Variants in DPH6 observed in about 807,000 individuals in gnomAD.
DPH6 encodes diphthamine biosynthesis 6, also known as diphthine--ammonia ligase.
A neutral mutation model predicts 38.2 loss-of-function variants in DPH6; 33 were observed. That is an observed-to-expected ratio of 0.86 (90% CI 0.65 to 1.15). The LOEUF is 1.15. Among genes scored for constraint, DPH6 ranks in the 50% most tolerant of loss-of-function variants. The pLI, the probability that DPH6 is intolerant of heterozygous loss-of-function variation, is 0.00. For synonymous variants in DPH6, 108 were observed against 103.0 expected (o/e 1.05, Z -0.30); for missense variants, 325 against 320.0 (o/e 1.02, Z -0.12).
downstream of DPH6, among the ~76,000 whole-genome samples, chr15:35,216,917 T>A (rs1000161065): frequency 2.0e-5 from 3 of 152,284 alleles, no homozygotes; most frequent in African/African-American, 7.2e-5. Flanking sequence ...CTAGATGAGA[T>A]GTATATTTGG....
At chr15:35,246,742 T>C (rs1371153523) in intron 3 of DPH6, among the ~76,000 whole-genome samples, 1 of 152,200 alleles carries the variant, frequency 6.6e-6, no homozygotes. Context: ...GCACCATACC[T>C]GTGACTGTAG....
At chr15:35,294,635 C>CTA (rs1345038461) in intron 3 of DPH6, among the ~76,000 whole-genome samples, 1 of 152,184 alleles carries the variant, frequency 6.6e-6, no homozygotes, top group Non-Finnish European at 1.5e-5. Context: ...CTACTACACA[C>CTA]TATATACTGT....
At chr15:35,487,565 C>T (rs1204379950) in intron 3 of DPH6, among the ~76,000 whole-genome samples, 2 of 152,224 alleles carry the variant, frequency 1.3e-5, no homozygotes, top group East Asian at 1.9e-4. Flanking sequence ...ATGCAGGATG[C>T]CATGTTGTGA....
At chr15:35,242,094 T>A (rs1210341657) in intron 3 of DPH6, among the ~76,000 whole-genome samples, 1 of 144,722 alleles carries the variant, frequency 6.9e-6, no homozygotes, top group Non-Finnish European at 1.5e-5. Context: ...GGACTGACCC[T>A]GACACCCATC....
chr15:35,352,977 C>A (rs2052528512), intron 3 of DPH6, among the ~76,000 whole-genome samples: 1 of 152,210 alleles, frequency 6.6e-6, no homozygotes, highest in Non-Finnish European at 1.5e-5. Context: ...GCCATTCAAA[C>A]TGGTGTGAGA....
intron 1 of DPH6, among the ~76,000 whole-genome samples, chr15:35,543,182 A>C (rs1170738272): frequency 2.7e-5 from 4 of 146,734 alleles, no homozygotes; most frequent in Non-Finnish European, 4.5e-5. Context: ...ATGCTGACTT[A>C]CACTGATGAC....
At chr15:35,232,958 AGAC>A (rs2051528153) in intron 3 of DPH6, among the ~76,000 whole-genome samples, 1 of 98,972 alleles carries the variant, frequency 1.0e-5, no homozygotes, top group Non-Finnish European at 2.3e-5. Context: ...ATTCATCAAC[AGAC>A]AATTAGCAAA....
At chr15:35,235,238 A>T (rs1566845866) in intron 3 of DPH6, among the ~76,000 whole-genome samples, 1 of 152,218 alleles carries the variant, frequency 6.6e-6, no homozygotes, top group Non-Finnish European at 1.5e-5. Context: ...GTCCAGGGGT[A>T]GGAAAGTCCA....
intron 3 of DPH6, among the ~76,000 whole-genome samples, chr15:35,337,605 C>T (rs1336543062): frequency 6.6e-6 from 1 of 152,124 alleles, no homozygotes; most frequent in Non-Finnish European, 1.5e-5. Context: ...GGCTATACTG[C>T]CCAAGGTAAT....
rs560080907 is a variant in DPH6 at position 35,454,771 on chromosome 15, TAGTC to T, written c.358_361del (p.Asp120IlefsTer18). On this transcript the variant is annotated frameshift_variant, in exon 4 of 9. Transcript: ENST00000256538. LOFTEE classifies it high-confidence loss of function. ...CACATTTTCCACTCGAATACGCTGA[TAGTC>T]AGAAAGTATAGCACCTACTGATATC... 3.4e-5 allele frequency: 55 copies of T among 1,609,610 alleles called. No individual in the cohort carries two copies. The highest frequency in any genetic ancestry group is 4.3e-5 in the Non-Finnish European group (51 of 1,178,346).
chr15:35,507,405 G>A (rs949803114), intron 3 of DPH6, among the ~76,000 whole-genome samples: 2 of 151,994 alleles, frequency 1.3e-5, no homozygotes, highest in Non-Finnish European at 2.9e-5. Context: ...AAATTTGAAT[G>A]AGCATAGTTG....
intron 3 of DPH6, chr15:35,489,444 G>C: frequency 2.0e-6 from 2 of 984,460 alleles, no homozygotes; most frequent in Non-Finnish European, 2.4e-6. Flanking sequence ...TGTAGCCCAA[G>C]ACTCAATTAA....
chr15:35,493,872 T>C (rs1731472258), intron 3 of DPH6, among the ~76,000 whole-genome samples: 1 of 152,142 alleles, frequency 6.6e-6, no homozygotes, highest in South Asian at 2.1e-4. Context: ...GCTCCTGCTG[T>C]ATTTTTTGAG....
chr15:35,285,085 C>A (rs1358594360), intron 3 of DPH6, among the ~76,000 whole-genome samples: 1 of 152,094 alleles, frequency 6.6e-6, no homozygotes, highest in African/African-American at 2.4e-5. Context: ...GTTAGGATTA[C>A]AGGTGTGAGC....
At chr15:35,397,367 C>T (rs1886299298) in intron 6 of DPH6, among the ~76,000 whole-genome samples, 1 of 152,202 alleles carries the variant, frequency 6.6e-6, no homozygotes, top group African/African-American at 2.4e-5. Context: ...ATGACTTTTA[C>T]TTAGATGATC....
At chr15:35,296,416 T>G (rs2140793248) in intron 3 of DPH6, among the ~76,000 whole-genome samples, 1 of 152,280 alleles carries the variant, frequency 6.6e-6, no homozygotes, top group East Asian at 1.9e-4. Context: ...CTTTCAGACC[T>G]CCAATTTATT....
chr15:35,336,351 TG>T (rs149022496), intron 3 of DPH6, among the ~76,000 whole-genome samples: 43,703 of 151,972 alleles, frequency 0.29, 6,545 homozygotes, highest in South Asian at 0.38. Context: ...CCATATTTCT[TG>T]GAGGCTTTGT....
chr15:35,179,119 C>T, the DPH6 span, among the ~76,000 whole-genome samples: 24 of 140,136 alleles, frequency 1.7e-4, no homozygotes, highest in African/African-American at 5.3e-4. Context: ...GGCAGGAGAA[C>T]GGTTTGAACC....
chr15:35,177,230 T>C, the DPH6 span, among the ~76,000 whole-genome samples: 1 of 151,890 alleles, frequency 6.6e-6, no homozygotes, highest in African/African-American at 2.4e-5. Context: ...TACCGAGACT[T>C]CAAAGTCATG....
Sources: allele counts gnomAD v4.1 joint callset (sites outside exome capture counted in the v4.1 genomes callset), GRCh38; gene constraint gnomAD v4.1.1; transcripts MANE v1.5; gene names NCBI Gene and HGNC (gene_info 2026-07-23, HGNC 2026-07-21).